Variants in MYO5B observed in about 807,000 individuals in gnomAD.
MYO5B encodes the protein unconventional myosin-Vb.
Under a neutral mutation model 229.3 loss-of-function variants are expected in MYO5B, and 143 were observed. The ratio of observed to expected loss-of-function variants is 0.62; its 90% CI spans 0.54 to 0.72. MYO5B has a LOEUF of 0.72. Among genes scored for constraint, MYO5B ranks in the 30% least tolerant of loss-of-function variants. The pLI is 0.00. For missense variants in MYO5B, 2,321 were observed against 2,331.0 expected, an observed-to-expected ratio of 1.00 and a Z score of 0.09; for synonymous variants, 918 against 885.2, an observed-to-expected ratio of 1.04 and a Z score of -0.66.
At chr18:50,023,468 G>A (rs1033895324) in intron 4 of MYO5B, among the ~76,000 whole-genome samples, 3 of 152,174 alleles carry the variant, frequency 2.0e-5, no homozygotes, top group African/African-American at 7.2e-5. Context: ...TATTAATGCG[G>A]CTCCAGAGTA....
rs542512352 is a variant in MYO5B at position 49,855,115 on chromosome 18, A to C, written c.4023-1468T>G. ...ATCCAATATTGGCTACAGTAAGCAC[A>C]TTAAAAGTAGTCACCAATAAGTTAT... On this transcript the variant is annotated intron_variant, in intron 30 of 39. Coordinates refer to ENST00000285039, the MANE Select transcript of MYO5B (RefSeq NM_001080467.3). Among the ~76,000 whole-genome samples the C allele has an allele frequency of 2.0e-5, 3 of 152,380 alleles. No individual in the cohort carries two copies. The South Asian group carries it at 6.2e-4, about 32-fold the overall frequency.
At chr18:50,039,280 G>C (rs1381209817) in intron 3 of MYO5B, among the ~76,000 whole-genome samples, 2 of 152,172 alleles carry the variant, frequency 1.3e-5, no homozygotes, top group Non-Finnish European at 2.9e-5. Flanking sequence ...AAAAGAGAGA[G>C]AGAGATCAGA....
chr18:50,054,075 C>T (rs957643594), intron 2 of MYO5B, among the ~76,000 whole-genome samples: 21 of 152,230 alleles, frequency 1.4e-4, no homozygotes, highest in African/African-American at 5.1e-4. Flanking sequence ...CAACAGTCCT[C>T]TTCCCCGACA....
chr18:50,107,817 A>G (rs2031789894), intron 1 of MYO5B, among the ~76,000 whole-genome samples: 2 of 152,216 alleles, frequency 1.3e-5, no homozygotes, highest in South Asian at 4.1e-4. Context: ...AGAAGTGGAC[A>G]TCTGCATAAC....
Position 49,853,511 on chromosome 18 carries a change from G to T in MYO5B, c.4159C>A (p.Pro1387Thr). 1 of 1,614,176 alleles carries T rather than the reference G, an allele frequency of 6.2e-7. No individual in the cohort carries two copies. The highest frequency in any genetic ancestry group is 1.1e-5 in the South Asian group (1 of 91,074). The part of the protein sequence containing the change: ...QTFCQTLLLS[P>T]EAQVEFGVQQ... ...ACGCCGAATTCCACCTGGGCCTCTG[G>T]GGAGAGCAGTAGCGTCTGGCAGAAG... The change falls in exon 31 of 40, where the codon CCA (proline) becomes ACA (threonine). Residue 1387 changes from proline to threonine, a missense_variant. This residue lies in a region of MYO5B where 2,113 missense variants were observed against 2,044.7 expected (regional missense o/e 1.03). Coordinates refer to ENST00000285039, the MANE Select transcript of MYO5B (RefSeq NM_001080467.3).
chr18:49,865,048 A>C (rs1010308914), intron 27 of MYO5B, among the ~76,000 whole-genome samples: 4 of 152,212 alleles, frequency 2.6e-5, no homozygotes, highest in Admixed American at 2.0e-4. Context: ...TTTGAGATGA[A>C]GTCTGATGAT....
Position 49,879,034 on chromosome 18 carries a change from C to T in MYO5B, c.3187G>A (p.Glu1063Lys). 6.2e-7 allele frequency: 1 copy of T among 1,602,410 alleles called. No individual in the cohort carries two copies. The highest frequency in any genetic ancestry group is 1.7e-5 in the Admixed American group (1 of 59,026). Reference sequence around the variant, plus strand: ...ACAAGGTTCTGGTACCGGGATCGCTCCTCCTCCAGTTCTTTCTTCATGAGA... The same window carrying T: ...ACAAGGTTCTGGTACCGGGATCGCTTCTCCTCCAGTTCTTTCTTCATGAGA... Reference protein sequence around the residue: ...ENLMKKELEEERSRYQNLVKE... With the variant: ...ENLMKKELEEKRSRYQNLVKE... The change falls in exon 24 of 40, where the codon GAG becomes AAG. Residue 1063 changes from glutamate (E) to lysine (K), a missense_variant. This residue lies in a region of MYO5B where 2,113 missense variants were observed against 2,044.7 expected (regional missense o/e 1.03). Transcript: ENST00000285039.
intron 1 of MYO5B, among the ~76,000 whole-genome samples, chr18:50,194,108 C>T (rs534801319): frequency 3.9e-5 from 6 of 152,230 alleles, no homozygotes; most frequent in Non-Finnish European, 8.8e-5. Flanking sequence ...CCATCCCCAG[C>T]AAATTCACAA....
intron 1 of MYO5B, among the ~76,000 whole-genome samples, chr18:50,183,019 A>G (rs992720047): frequency 1.3e-5 from 2 of 152,122 alleles, no homozygotes; most frequent in African/African-American, 2.4e-5. Flanking sequence ...TACCCAAAAC[A>G]AAGAGTAATG....
chr18:49,960,946 T>C (rs543628929), intron 12 of MYO5B, among the ~76,000 whole-genome samples: 120 of 152,250 alleles, frequency 7.9e-4, no homozygotes, highest in South Asian at 2.9e-3. Flanking sequence ...CCACACCAGC[T>C]TAGCATCCCA....
intron 22 of MYO5B, 142 bp from the exon 23 acceptor site, chr18:49,880,597 AGG>A: frequency 1.3e-6 from 1 of 748,154 alleles, no homozygotes; most frequent in African/African-American, 1.7e-5. Flanking sequence ...TTTGTTTTCA[AGG>A]AAAAATTGTG....
intron 15 of MYO5B, 122 bp from the exon 16 acceptor site, chr18:49,936,471 G>T: frequency 3.7e-6 from 3 of 809,186 alleles, no homozygotes; most frequent in Non-Finnish European, 2.1e-6. Flanking sequence ...CAGAAGGATG[G>T]AAGAAATTTC....
At chr18:49,909,533 T>C (rs574990225) in intron 18 of MYO5B, among the ~76,000 whole-genome samples, 13 of 152,358 alleles carry the variant, frequency 8.5e-5, no homozygotes, top group African/African-American at 3.1e-4. Flanking sequence ...AGCTCTTGGC[T>C]AGTTCCCCAG....
intron 38 of MYO5B, among the ~76,000 whole-genome samples, chr18:49,835,839 A>G (rs2023980971): frequency 6.6e-6 from 1 of 152,180 alleles, no homozygotes; most frequent in African/African-American, 2.4e-5. Flanking sequence ...GTCCCCCAAC[A>G]TTGTTTACAA....
At chr18:50,088,854 C>G (rs2144485058) in intron 1 of MYO5B, among the ~76,000 whole-genome samples, 1 of 152,304 alleles carries the variant, frequency 6.6e-6, no homozygotes, top group Non-Finnish European at 1.5e-5. Flanking sequence ...GCATATTACA[C>G]CTTTTTGGTT....
intron 16 of MYO5B, among the ~76,000 whole-genome samples, chr18:49,931,053 C>T (rs1787329): frequency 0.023 from 3,465 of 152,240 alleles, 117 homozygotes; most frequent in African/African-American, 0.076. Context: ...TCAGAAGGGA[C>T]GAGGAACAAA....
chr18:50,177,057 A>G (rs755668731), intron 1 of MYO5B, among the ~76,000 whole-genome samples: 3 of 152,230 alleles, frequency 2.0e-5, no homozygotes, highest in African/African-American at 4.8e-5. Context: ...AAAATTTCAC[A>G]TGACACCATT....
At chr18:50,013,018 A>G (rs1006750822) in intron 4 of MYO5B, among the ~76,000 whole-genome samples, 1 of 152,224 alleles carries the variant, frequency 6.6e-6, no homozygotes, top group African/African-American at 2.4e-5. Flanking sequence ...TGCTGGCTGT[A>G]CTTATCTAAA....
intron 22 of MYO5B, among the ~76,000 whole-genome samples, chr18:49,894,165 C>G (rs2024749777): frequency 6.6e-6 from 1 of 152,170 alleles, no homozygotes; most frequent in Admixed American, 6.5e-5. Flanking sequence ...CTCCAACACC[C>G]TGAACACTGG....
Sources: gnomAD v4.1 joint callset for allele counts (sites outside exome capture counted in the v4.1 genomes callset) on GRCh38, gnomAD v4.1.1 for gene constraint, gnomAD v4.1.1 regional missense constraint, MANE v1.5 for transcripts, NCBI Gene and HGNC (gene_info 2026-07-23, HGNC 2026-07-21) for gene names.